IMMP2L: variants seen among roughly 807,000 people sequenced by gnomAD.
The protein encoded by IMMP2L is mitochondrial inner membrane protease subunit 2.
IMMP2L carries 18 observed loss-of-function variants against 19.3 expected under a neutral mutation model. The observed-to-expected ratio is 0.93, with a 90% CI of 0.64 to 1.38. The LOEUF is 1.38. IMMP2L is among the 40% of genes most tolerant of loss of function. The probability of loss-of-function intolerance (pLI) is 0.00; values close to 1 mark genes in which losing one functional copy is unlikely to be tolerated. For missense variants in IMMP2L, 233 were observed against 218.2 expected, an observed-to-expected ratio of 1.07 and a Z score of -0.43; for synonymous variants, 76 against 73.0, an observed-to-expected ratio of 1.04 and a Z score of -0.21.
chr7:111,126,891 A>G (rs911166174), intron 3 of IMMP2L, among the ~76,000 whole-genome samples: 2 of 152,176 alleles, frequency 1.3e-5, no homozygotes, highest in Admixed American at 6.5e-5. Context: ...AGCTTTCTGC[A>G]TAATATCAAC....
At position 111,142,613 on chromosome 7, in the gene IMMP2L, T is replaced by G. The variant is rs143444769; in HGVS notation, c.240-179048A>C. ...TTACAGGGATTCAGGTAGAAAATAA[T>G]TCATGTTAAACAGAGGTTCCAAACA... On this transcript the variant is annotated intron_variant, in intron 3 of 5. Coordinates refer to ENST00000405709, the MANE Select transcript of IMMP2L (RefSeq NM_032549.4). 1.3e-3 allele frequency among the ~76,000 whole-genome samples: 195 copies of G among 152,214 alleles called. 1 individual carries two copies. The highest frequency in any genetic ancestry group is 0.01 in the Middle Eastern group (3 of 294).
intron 4 of IMMP2L, among the ~76,000 whole-genome samples, chr7:110,916,012 C>A (rs1200584215): frequency 6.6e-6 from 1 of 152,122 alleles, no homozygotes; most frequent in African/African-American, 2.4e-5. Flanking sequence ...TCTAACTCTG[C>A]AAACTGAAAA....
chr7:111,121,818 G>A (rs1200718321), intron 3 of IMMP2L, among the ~76,000 whole-genome samples: 1 of 152,180 alleles, frequency 6.6e-6, no homozygotes, highest in Admixed American at 6.5e-5. Context: ...GCAAAGACTT[G>A]GAACCAACCC....
At chr7:111,556,039 T>TATATATATATATAC (rs1192398339) in intron 1 of IMMP2L, among the ~76,000 whole-genome samples, 1 of 139,594 alleles carries the variant, frequency 7.2e-6, no homozygotes, top group Non-Finnish European at 1.6e-5. Context: ...TATATATACA[T>TATATATATATATAC]ACCCAAAGAA....
intron 3 of IMMP2L, among the ~76,000 whole-genome samples, chr7:111,062,228 G>A (rs899437473): frequency 2.6e-5 from 4 of 152,178 alleles, no homozygotes; most frequent in Non-Finnish European, 5.9e-5. Flanking sequence ...CATGGTGGAA[G>A]GTGAAAGGCA....
At chr7:110,945,194 C>T (rs1050429012) in intron 4 of IMMP2L, among the ~76,000 whole-genome samples, 9 of 151,868 alleles carry the variant, frequency 5.9e-5, no homozygotes, top group Non-Finnish European at 8.8e-5. Flanking sequence ...TTGTGAGGGG[C>T]CGCATCTGCA....
intron 3 of IMMP2L, among the ~76,000 whole-genome samples, chr7:111,424,349 G>C (rs1023601710): frequency 6.6e-6 from 1 of 151,770 alleles, no homozygotes; most frequent in Middle Eastern, 3.4e-3. Context: ...GGGTGGTTTC[G>C]GTAGATTCTT....
intron 4 of IMMP2L, among the ~76,000 whole-genome samples, chr7:110,909,905 A>C (rs1407656141): frequency 6.6e-6 from 1 of 150,492 alleles, no homozygotes; most frequent in Non-Finnish European, 1.5e-5. Flanking sequence ...AGAGAGAGAG[A>C]GAAAGAGAGA....
chr7:111,153,445 T>C (rs1356472839), intron 3 of IMMP2L, among the ~76,000 whole-genome samples: 6 of 152,176 alleles, frequency 3.9e-5, no homozygotes, highest in African/African-American at 1.4e-4. Flanking sequence ...AATCTTAACT[T>C]TGCAGCCTTC....
chr7:110,778,199 A>T (rs1414189219), intron 5 of IMMP2L, among the ~76,000 whole-genome samples: 1 of 151,970 alleles, frequency 6.6e-6, no homozygotes, highest in Non-Finnish European at 1.5e-5. Context: ...ATTTTAAATA[A>T]TTCTATTTAA....
chr7:110,747,480 A>G (rs1584705527), intron 5 of IMMP2L, among the ~76,000 whole-genome samples: 2 of 152,224 alleles, frequency 1.3e-5, no homozygotes, highest in African/African-American at 4.8e-5. Flanking sequence ...CCTGATGAAC[A>G]TCGATGTCAA....
At chr7:111,016,818 ATATAT>A (rs1563163057) in intron 3 of IMMP2L, among the ~76,000 whole-genome samples, 6 of 50,018 alleles carry the variant, frequency 1.2e-4, no homozygotes, top group South Asian at 1.2e-3. Context: ...ACTATATATT[ATATAT>A]AATATATAGT....
chr7:111,476,494 T>C (rs1841736532), intron 3 of IMMP2L, among the ~76,000 whole-genome samples: 1 of 152,276 alleles, frequency 6.6e-6, no homozygotes, highest in East Asian at 1.9e-4. Context: ...AAATAACATT[T>C]GTTTATTATC....
chr7:111,410,065 G>C (rs563050722), intron 3 of IMMP2L, among the ~76,000 whole-genome samples: 1 of 151,810 alleles, frequency 6.6e-6, no homozygotes, highest in African/African-American at 2.4e-5. Context: ...ATTGGCATAA[G>C]AATACTCATG....
At chr7:110,730,726 CGTTTTAGCCAGGAT>C (rs1367275994) in intron 5 of IMMP2L, among the ~76,000 whole-genome samples, 1 of 152,034 alleles carries the variant, frequency 6.6e-6, no homozygotes, top group East Asian at 1.9e-4. Context: ...GGGGTTTCAC[CGTTTTAGCCAGGAT>C]GTTCTTGATC....
intron 5 of IMMP2L, among the ~76,000 whole-genome samples, chr7:110,821,234 G>A (rs1049311008): frequency 1.3e-5 from 2 of 152,090 alleles, no homozygotes; most frequent in African/African-American, 4.8e-5. Flanking sequence ...AAATCAAAGA[G>A]ATAGTCAACG....
chr7:111,238,798 G>C (rs959057274), intron 3 of IMMP2L, among the ~76,000 whole-genome samples: 3 of 151,918 alleles, frequency 2.0e-5, no homozygotes, highest in Non-Finnish European at 4.4e-5. Flanking sequence ...CAGTCAGACA[G>C]ACCTAGCTTG....
At chr7:110,885,837 CATT>C (rs1269185516) in intron 5 of IMMP2L, among the ~76,000 whole-genome samples, 5 of 151,814 alleles carry the variant, frequency 3.3e-5, no homozygotes, top group Non-Finnish European at 2.9e-5. Flanking sequence ...GAAAAAAAAA[CATT>C]ATTCCATGGG....
chr7:111,396,082 C>T (rs1291894789), intron 3 of IMMP2L, among the ~76,000 whole-genome samples: 7 of 152,060 alleles, frequency 4.6e-5, no homozygotes, highest in East Asian at 1.9e-4. Flanking sequence ...GGCAATTCCT[C>T]AAGGATCTAG....
Sources: gnomAD v4.1 joint callset for allele counts (sites outside exome capture counted in the v4.1 genomes callset) on GRCh38, gnomAD v4.1.1 for gene constraint, MANE v1.5 for transcripts, NCBI Gene and HGNC (gene_info 2026-07-23, HGNC 2026-07-21) for gene names.